The following NRG3 variants were observed in gnomAD, a reference collection of about 807,000 sequenced individuals.
NRG3 encodes the protein pro-neuregulin-3, membrane-bound isoform.
Under a neutral mutation model 66.9 loss-of-function variants are expected in NRG3, and 31 were observed. That is an observed-to-expected ratio of 0.46 (90% CI 0.35 to 0.63). NRG3 has a LOEUF of 0.63. Among genes scored for constraint, NRG3 ranks in the 20% least tolerant of loss-of-function variants. NRG3 has a pLI of 0.00. For synonymous variants in NRG3, 393 were observed against 359.4 expected, an observed-to-expected ratio of 1.09 and a Z score of -1.06; for missense variants, 910 against 878.9, an observed-to-expected ratio of 1.04 and a Z score of -0.45.
intron 2 of NRG3, among the ~76,000 whole-genome samples, chr10:82,513,855 A>G (rs1175950587): frequency 2.6e-5 from 4 of 152,116 alleles, no homozygotes; most frequent in Non-Finnish European, 5.9e-5. Context: ...TGGTTTCTTG[A>G]CTTTTTAATA....
chr10:82,276,287 A>G (rs541014043), intron 1 of NRG3, among the ~76,000 whole-genome samples: 13 of 152,122 alleles, frequency 8.5e-5, no homozygotes, highest in African/African-American at 3.1e-4. Flanking sequence ...AAATATTCAT[A>G]TATTTTGCAT....
At position 82,972,547 on chromosome 10, in the gene NRG3, A is replaced by T. The variant is rs545140033; in HGVS notation, c.1285-1241A>T. Among the ~76,000 whole-genome samples, 7 of 152,298 alleles carry T rather than the reference A, an allele frequency of 4.6e-5. No individual in the cohort carries two copies. In the East Asian group the frequency reaches 1.4e-3, roughly 29 times the overall value. On this transcript the variant is annotated intron_variant, in intron 6 of 8. Coordinates refer to ENST00000372141, the MANE Select transcript of NRG3 (RefSeq NM_001010848.4). ...TTCTTACTTCATAAGTCATCTTTAG[A>T]ATCTATGTAAATATAAGACTACAAG...
At chr10:82,134,925 C>T (rs2069212932) in intron 1 of NRG3, among the ~76,000 whole-genome samples, 1 of 151,712 alleles carries the variant, frequency 6.6e-6, no homozygotes, top group Admixed American at 6.6e-5. Flanking sequence ...GAGTTCAAGA[C>T]CAGCCCAGCC....
chr10:82,095,471 A>G (rs545978099), intron 1 of NRG3, among the ~76,000 whole-genome samples: 2 of 152,326 alleles, frequency 1.3e-5, no homozygotes, highest in South Asian at 2.1e-4. Flanking sequence ...GCAGAAAACA[A>G]TGCTATACAT....
rs1015080871 is a variant in NRG3 at position 82,342,138 on chromosome 10, G to GCA, written c.824-16589_824-16588dup. ...AATATGGTATTTATGTTATATATAT[G>GCA]CACACACACACACTCATTAATCATC... On this transcript the variant is annotated intron_variant, in intron 1 of 8. Transcript: ENST00000372141. Among the ~76,000 whole-genome samples, 13 of 151,042 alleles carry GCA rather than the reference G, an allele frequency of 8.6e-5. No individual in the cohort carries two copies. In the East Asian group the frequency reaches 1.9e-3, roughly 23 times the overall value.
intron 1 of NRG3, among the ~76,000 whole-genome samples, chr10:82,324,116 C>T (rs892574809): frequency 3.3e-4 from 50 of 152,266 alleles, no homozygotes; most frequent in African/African-American, 1.1e-3. Flanking sequence ...ACACCTGCCT[C>T]GGCTTCCCAG....
At chr10:82,106,717 G>A (rs954340892) in intron 1 of NRG3, among the ~76,000 whole-genome samples, 8 of 151,954 alleles carry the variant, frequency 5.3e-5, no homozygotes. Context: ...TGTTGGCCAG[G>A]CTGGTCTCGA....
rs558491134 is a variant in NRG3 at position 82,539,317 on chromosome 10, C to T, written c.953+180449C>T. ...TCTTAAGGATTCTTTAACATAGCAC[C>T]GTGGCTTTACCCCTGCTACAGAGAA... On this transcript the variant is annotated intron_variant, in intron 2 of 8. Transcript: ENST00000372141. Among the ~76,000 whole-genome samples, 4 of 152,244 alleles carry T rather than the reference C, an allele frequency of 2.6e-5. No homozygotes were observed. The East Asian group carries it at 5.8e-4, about 22-fold the overall frequency.
intron 1 of NRG3, among the ~76,000 whole-genome samples, chr10:82,245,856 G>A (rs372618567): frequency 1.3e-5 from 2 of 151,892 alleles, no homozygotes; most frequent in South Asian, 4.2e-4. Context: ...GATTTATTTC[G>A]GCATTCCCTA....
At chr10:82,392,006 A>C (rs1333310852) in intron 2 of NRG3, among the ~76,000 whole-genome samples, 2 of 149,082 alleles carry the variant, frequency 1.3e-5, no homozygotes, top group South Asian at 2.1e-4. Flanking sequence ...AAAAAAAAAA[A>C]AAAACAAAAA....
In NRG3 at chr10:82,483,120, G is replaced by A. The variant is rs746672910; in HGVS notation, c.953+124252G>A. Among the ~76,000 whole-genome samples, 3 of 152,186 alleles carry A rather than the reference G, an allele frequency of 2.0e-5. No individual in the cohort carries two copies. In the East Asian group the frequency reaches 5.8e-4, roughly 29 times the overall value. On this transcript the variant is annotated intron_variant, in intron 2 of 8. Coordinates refer to ENST00000372141, the MANE Select transcript of NRG3 (RefSeq NM_001010848.4). Reference sequence around the variant, plus strand: ...AACAGATGAAAAAAAGTAATTTGATGTGGGGGATTTCTAGGAATATATGCA... The same window carrying A: ...AACAGATGAAAAAAAGTAATTTGATATGGGGGATTTCTAGGAATATATGCA...
intron 2 of NRG3, among the ~76,000 whole-genome samples, chr10:82,461,487 T>A (rs1590211235): frequency 6.6e-6 from 1 of 152,200 alleles, no homozygotes; most frequent in East Asian, 1.9e-4. Context: ...GTTTCCACAT[T>A]CTTATCATTG....
chr10:82,116,826 T>C (rs1389968947), intron 1 of NRG3, among the ~76,000 whole-genome samples: 1 of 152,092 alleles, frequency 6.6e-6, no homozygotes, highest in Non-Finnish European at 1.5e-5. Flanking sequence ...GAAGAAAGAT[T>C]TGAGGAGCTA....
intron 2 of NRG3, among the ~76,000 whole-genome samples, chr10:82,554,586 A>AT (rs1460296183): frequency 1.3e-5 from 2 of 152,106 alleles, no homozygotes; most frequent in South Asian, 2.1e-4. Context: ...AGGCTGCGAC[A>AT]TTTTTTGCAT....
chr10:82,444,563 G>A (rs939653606), intron 2 of NRG3, among the ~76,000 whole-genome samples: 4 of 152,116 alleles, frequency 2.6e-5, no homozygotes, highest in Non-Finnish European at 4.4e-5. Flanking sequence ...AAATACTAAG[G>A]TGGAGGGGGG....
chr10:82,040,821 A>G (rs1371153226), intron 1 of NRG3, among the ~76,000 whole-genome samples: 2 of 152,048 alleles, frequency 1.3e-5, no homozygotes, highest in Non-Finnish European at 2.9e-5. Context: ...CTGCCCCAGT[A>G]TATGTCAGCA....
At chr10:82,793,129 A>T (rs968425796) in intron 3 of NRG3, among the ~76,000 whole-genome samples, 6 of 152,026 alleles carry the variant, frequency 3.9e-5, no homozygotes, top group African/African-American at 1.2e-4. Flanking sequence ...TTCGTCTGTA[A>T]GTTTTAAAAT....
chr10:82,556,909 G>A (rs1177386479), intron 2 of NRG3, among the ~76,000 whole-genome samples: 1 of 152,128 alleles, frequency 6.6e-6, no homozygotes, highest in Non-Finnish European at 1.5e-5. Flanking sequence ...TTCTGTTCCT[G>A]CATTAGTTTA....
At chr10:82,318,012 A>G (rs1197501525) in intron 1 of NRG3, among the ~76,000 whole-genome samples, 1 of 152,164 alleles carries the variant, frequency 6.6e-6, no homozygotes. Context: ...TGCATTTTAC[A>G]TAAGATAACA....
Sources: allele counts gnomAD v4.1 joint callset (sites outside exome capture counted in the v4.1 genomes callset), GRCh38; gene constraint gnomAD v4.1.1; transcripts MANE v1.5; gene names NCBI Gene and HGNC (gene_info 2026-07-23, HGNC 2026-07-21).